The following TOX variants were observed in gnomAD, a reference collection of about 807,000 sequenced individuals.
TOX encodes the protein thymocyte selection associated high mobility group box.
TOX carries 11 observed loss-of-function variants against 53.7 expected under a neutral mutation model. That is an observed-to-expected ratio of 0.20 (90% confidence interval 0.13 to 0.34). TOX has a LOEUF of 0.34. Ranked by LOEUF, TOX falls within the 10% of genes least tolerant of loss-of-function variation. TOX has a pLI of 1.00. For synonymous variants in TOX, 225 were observed against 245.3 expected, an observed-to-expected ratio of 0.92 and a Z score of 0.77; for missense variants, 570 against 664.6, an observed-to-expected ratio of 0.86 and a Z score of 1.56.
At chr8:59,072,517 C>A (rs1804214979) in intron 1 of TOX, among the ~76,000 whole-genome samples, 2 of 152,142 alleles carry the variant, frequency 1.3e-5, no homozygotes, top group African/African-American at 4.8e-5. Flanking sequence ...GGGAAATACA[C>A]AAATTATGCT....
At chr8:58,939,118 A>G (rs1812392234) in intron 3 of TOX, among the ~76,000 whole-genome samples, 184 bp downstream of exon 3, 1 of 152,248 alleles carries the variant, frequency 6.6e-6, no homozygotes, top group African/African-American at 2.4e-5. Flanking sequence ...AATTGATTTT[A>G]CCTTGACTTA....
chr8:58,926,348 G>A (rs533385319), intron 3 of TOX, among the ~76,000 whole-genome samples: 1 of 152,272 alleles, frequency 6.6e-6, no homozygotes, highest in African/African-American at 2.4e-5. Context: ...CCCATGGGGG[G>A]ACATGAGTAT....
chr8:58,873,716 T>A (rs2129170219), intron 3 of TOX, among the ~76,000 whole-genome samples: 1 of 152,222 alleles, frequency 6.6e-6, no homozygotes, highest in South Asian at 2.1e-4. Flanking sequence ...TCTGATGGAA[T>A]CTTTCAAAAG....
At chr8:58,853,634 A>G (rs1810863063) in intron 3 of TOX, among the ~76,000 whole-genome samples, 1 of 152,192 alleles carries the variant, frequency 6.6e-6, no homozygotes, top group Non-Finnish European at 1.5e-5. Context: ...AACATTTTAC[A>G]TATTCCATAA....
chr8:59,061,156 CAT>C (rs1419677192), intron 1 of TOX, among the ~76,000 whole-genome samples: 2 of 152,158 alleles, frequency 1.3e-5, no homozygotes, highest in Non-Finnish European at 2.9e-5. Context: ...GAAAACAGAA[CAT>C]GTTTACAAAA....
intron 3 of TOX, among the ~76,000 whole-genome samples, chr8:58,913,888 T>C (rs183833184): frequency 8.5e-5 from 13 of 152,328 alleles, no homozygotes; most frequent in Admixed American, 7.8e-4. Flanking sequence ...AAGTTAGCTT[T>C]CACTTAGCCA....
rs78673153 is a variant in TOX at position 59,042,926 on chromosome 8, A to G, written c.102+75960T>C. Among the ~76,000 whole-genome samples, 7 of 132,864 alleles carry G rather than the reference A, an allele frequency of 5.3e-5. No individual in the cohort carries two copies. The East Asian group carries it at 1.2e-3, about 22-fold the overall frequency. 87.2% of individuals were successfully genotyped at this position (132,864 alleles called of 152,430 possible). A position where few individuals can be genotyped will look rare whatever the true frequency, so the allele number is the denominator to read the frequency against. On this transcript the variant is annotated intron_variant, in intron 1 of 8. Coordinates refer to ENST00000361421, the MANE Select transcript of TOX (RefSeq NM_014729.3). The stretch of plus-strand genomic sequence containing the variant: ...TTGATCAACATATTAGTCACCTCAC[A>G]TAGCATTTTTCGTGATGAGAACATC...
intron 1 of TOX, among the ~76,000 whole-genome samples, chr8:58,991,056 G>A (rs1288050088): frequency 6.6e-6 from 1 of 152,120 alleles, no homozygotes; most frequent in Non-Finnish European, 1.5e-5. Flanking sequence ...TTTTACAGAT[G>A]AAGAAAATTG....
chr8:58,808,452 A>C (rs752907678), intron 7 of TOX, among the ~76,000 whole-genome samples, 183 bp from the exon 8 acceptor site: 2 of 151,198 alleles, frequency 1.3e-5, no homozygotes, highest in Non-Finnish European at 2.9e-5. Flanking sequence ...CCACAAGTCC[A>C]TTCTTCTTAC....
intron 3 of TOX, among the ~76,000 whole-genome samples, chr8:58,892,448 C>A (rs987833436): frequency 8.5e-5 from 13 of 152,080 alleles, no homozygotes; most frequent in African/African-American, 2.7e-4. Flanking sequence ...AAACATAAAC[C>A]TGAACTGCCC....
intron 1 of TOX, among the ~76,000 whole-genome samples, chr8:59,069,788 T>C (rs1012136308): frequency 2.6e-5 from 4 of 152,156 alleles, no homozygotes; most frequent in Non-Finnish European, 5.9e-5. Context: ...AGCTGGGATA[T>C]GTTGTACAGT....
At chr8:58,872,191 A>T (rs913265604) in intron 3 of TOX, among the ~76,000 whole-genome samples, 1 of 152,174 alleles carries the variant, frequency 6.6e-6, no homozygotes, top group African/African-American at 2.4e-5. Context: ...CTCATTGGCC[A>T]ATGCTAGAAC....
At chr8:58,940,605 T>TA (rs1221171315) in intron 2 of TOX, among the ~76,000 whole-genome samples, 3 of 152,306 alleles carry the variant, frequency 2.0e-5, no homozygotes, top group Admixed American at 6.5e-5. Flanking sequence ...TCTTTCAAAT[T>TA]AAGAGTGAGC....
intron 1 of TOX, among the ~76,000 whole-genome samples, chr8:59,037,825 T>G (rs310374): frequency 0.91 from 136,032 of 149,084 alleles, 62,210 homozygotes; most frequent in East Asian, 1. Flanking sequence ...AAAAAAAATT[T>G]GTACTTTTTC....
chr8:58,829,582 C>T (rs1316106285), intron 5 of TOX, among the ~76,000 whole-genome samples: 2 of 152,192 alleles, frequency 1.3e-5, no homozygotes, highest in South Asian at 4.1e-4. Flanking sequence ...AGGGGAGTAG[C>T]CTGGACCAGA....
chr8:59,024,523 T>C lies in TOX; in HGVS notation c.103-64515A>G, dbSNP rs1183917730. On this transcript the variant is annotated intron_variant, in intron 1 of 8. Transcript: ENST00000361421. ...GTATTTTAAAAACAGTTCGTCCAGA[T>C]CCTACATACCTGTCAGGCTGTCACG... 2.0e-5 allele frequency among the ~76,000 whole-genome samples: 3 copies of C among 152,188 alleles called. No individual in the cohort carries two copies. In the South Asian group the frequency reaches 6.2e-4, roughly 32 times the overall value.
At position 59,051,188 on chromosome 8, in the gene TOX, A is replaced by G. The variant is rs141029860; in HGVS notation, c.102+67698T>C. Among the ~76,000 whole-genome samples the G allele has an allele frequency of 2.0e-5, 3 of 152,240 alleles. No homozygotes were observed. The East Asian group carries it at 5.8e-4, about 29-fold the overall frequency. ...CCCTTCATACTTACTAGGATATTAAACTGAAGAAAATGAGGCAGATTTGGT... is the reference window on the plus strand; with the variant it reads ...CCCTTCATACTTACTAGGATATTAAGCTGAAGAAAATGAGGCAGATTTGGT... On this transcript the variant is annotated intron_variant, in intron 1 of 8. Coordinates refer to ENST00000361421, the MANE Select transcript of TOX (RefSeq NM_014729.3).
At chr8:59,043,201 C>CTGTGTG (rs10660376) in intron 1 of TOX, among the ~76,000 whole-genome samples, 10,044 of 147,870 alleles carry the variant, frequency 0.068, 432 homozygotes, top group Middle Eastern at 0.19. Flanking sequence ...ACTTTCTTTT[C>CTGTGTG]TGTGTGTGTG....
chr8:59,088,029 A>T (rs1442476627), intron 1 of TOX, among the ~76,000 whole-genome samples: 1 of 152,222 alleles, frequency 6.6e-6, no homozygotes, highest in African/African-American at 2.4e-5. Flanking sequence ...GAAAGTGTCA[A>T]ATATAAACAA....
Sources: gnomAD v4.1 joint callset for allele counts (sites outside exome capture counted in the v4.1 genomes callset) on GRCh38, gnomAD v4.1.1 for gene constraint, MANE v1.5 for transcripts, NCBI Gene and HGNC (gene_info 2026-07-23, HGNC 2026-07-21) for gene names.